CCDC178: variants seen among roughly 807,000 people sequenced by gnomAD.
The protein encoded by CCDC178 is coiled-coil domain-containing protein 178.
In CCDC178, 126 loss-of-function variants were observed where a neutral mutation model predicts 117.4. The observed-to-expected ratio is 1.07, with a 90% CI of 0.93 to 1.24. The LOEUF (loss-of-function observed/expected upper bound fraction) is 1.24. Ranked by LOEUF, CCDC178 falls within the 50% of genes most tolerant of loss-of-function variation. The pLI is 0.00. For synonymous variants in CCDC178, 283 were observed against 313.4 expected, an observed-to-expected ratio of 0.90 and a Z score of 1.02; for missense variants, 1,030 against 986.9, an observed-to-expected ratio of 1.04 and a Z score of -0.59.
Position 33,211,919 on chromosome 18 carries a change from G to T in CCDC178, c.2215C>A (p.Gln739Lys). 1 of 1,604,248 alleles carries T rather than the reference G, an allele frequency of 6.2e-7. No individual in the cohort carries two copies. The highest frequency in any genetic ancestry group is 1.7e-5 in the Admixed American group (1 of 58,094). The change falls in exon 20 of 23, where the codon CAA (glutamine) becomes AAA (lysine). Residue 739 changes from glutamine (Q) to lysine (K), a missense_variant. Gln to Lys is a moderately conservative substitution (Grantham distance 53). Transcript: ENST00000383096. ...ACTTGGGTATCTTGAAGAGTTTTTT[G>T]TCTTACAGCAAGGAGCACTCTAAAT... ...QRFRVLLAVR[Q>K]KTLQDTQKII...
intron 12 of CCDC178, among the ~76,000 whole-genome samples, chr18:33,268,464 CA>C (rs779165972): frequency 1.6e-4 from 24 of 151,748 alleles, no homozygotes; most frequent in Admixed American, 3.3e-4. Flanking sequence ...CATATAATAA[CA>C]AAAGTAATGT....
intron 5 of CCDC178, among the ~76,000 whole-genome samples, chr18:33,376,256 C>G (rs1027652316): frequency 6.6e-6 from 1 of 152,016 alleles, no homozygotes; most frequent in African/African-American, 2.4e-5. Flanking sequence ...GGTCACCCAA[C>G]ACTCCTGGTG....
intron 20 of CCDC178, among the ~76,000 whole-genome samples, chr18:33,178,691 G>A (rs1407809545): frequency 6.6e-6 from 1 of 151,882 alleles, no homozygotes; most frequent in Non-Finnish European, 1.5e-5. Flanking sequence ...GTTTTCAATT[G>A]CACTGTTATC....
chr18:33,024,889 G>A (rs2056195945), intron 21 of CCDC178, among the ~76,000 whole-genome samples: 1 of 151,102 alleles, frequency 6.6e-6, no homozygotes, highest in Non-Finnish European at 1.5e-5. Context: ...CTGACCTCAT[G>A]ATCTGCCTGC....
chr18:33,114,622 C>T (rs1287783835), intron 20 of CCDC178, among the ~76,000 whole-genome samples: 1 of 152,022 alleles, frequency 6.6e-6, no homozygotes, highest in Non-Finnish European at 1.5e-5. Context: ...ATTCAATTAT[C>T]TTGTGTTAAA....
At chr18:33,397,305 C>A in intron 3 of CCDC178, 97 bp from the exon 4 acceptor site, 1 of 738,622 alleles carries the variant, frequency 1.4e-6, no homozygotes, top group Non-Finnish European at 2.2e-6. Context: ...AGAAAATCAG[C>A]ATCAGAATAA....
rs71159815 is a variant in CCDC178 at position 33,306,412 on chromosome 18, TTG to T, written c.1023-13102_1023-13101del. 6.1e-3 allele frequency among the ~76,000 whole-genome samples: 767 copies of T among 126,202 alleles called. 11 individuals are homozygous for T. The highest frequency in any genetic ancestry group is 0.015 in the African/African-American group (504 of 33,230). 82.8% of individuals were successfully genotyped at this position (126,202 alleles called of 152,430 possible). ...GTCCAAGGTAACAGCTATTGGATCT[TTG>T]TGTGTGTGTGTGTGTGTGTGTGTGT... On this transcript the variant is annotated intron_variant, in intron 11 of 22. Coordinates refer to ENST00000383096, the MANE Select transcript of CCDC178 (RefSeq NM_001105528.4).
chr18:33,388,712 G>A (rs1435870627), intron 5 of CCDC178, among the ~76,000 whole-genome samples: 1 of 150,240 alleles, frequency 6.7e-6, no homozygotes, highest in Non-Finnish European at 1.5e-5. Context: ...GTAGAGATGG[G>A]GTTTCACCGT....
chr18:33,366,961 T>C (rs1002357295), intron 6 of CCDC178, among the ~76,000 whole-genome samples: 5 of 152,040 alleles, frequency 3.3e-5, no homozygotes. Context: ...CTGGGTAAAA[T>C]GTTAAGTGGC....
chr18:32,949,602 C>T (rs1453024870), intron 22 of CCDC178, among the ~76,000 whole-genome samples: 1 of 152,076 alleles, frequency 6.6e-6, no homozygotes, highest in Admixed American at 6.6e-5. Context: ...TTTATATCTT[C>T]AATGTCTCTA....
intron 21 of CCDC178, among the ~76,000 whole-genome samples, chr18:33,053,833 C>G (rs930788781): frequency 6.6e-6 from 1 of 152,072 alleles, no homozygotes; most frequent in Non-Finnish European, 1.5e-5. Flanking sequence ...CTGGGTAACA[C>G]TTTATGACAA....
At chr18:33,396,199 T>A (rs2144844935) in intron 4 of CCDC178, among the ~76,000 whole-genome samples, 1 of 151,848 alleles carries the variant, frequency 6.6e-6, no homozygotes, top group Middle Eastern at 3.4e-3. Flanking sequence ...CATGAAAAAA[T>A]TTTCAACATC....
chr18:33,320,243 G>A (rs2062486854), intron 11 of CCDC178, among the ~76,000 whole-genome samples: 3 of 152,114 alleles, frequency 2.0e-5, no homozygotes, highest in Non-Finnish European at 4.4e-5. Context: ...TTCTGGCCAG[G>A]GCAATCAGGC....
chr18:33,315,846 A>G (rs1438790490), intron 11 of CCDC178, among the ~76,000 whole-genome samples: 1 of 152,242 alleles, frequency 6.6e-6, no homozygotes, highest in African/African-American at 2.4e-5. Flanking sequence ...TATCTGGCAA[A>G]CAAAGGCATT....
Position 33,217,544 on chromosome 18 carries a change from C to A in CCDC178, c.1933-1849G>T, listed in dbSNP as rs1466261222. 2.0e-5 allele frequency among the ~76,000 whole-genome samples: 3 copies of A among 151,104 alleles called. No individual in the cohort carries two copies. In the Admixed American group the frequency reaches 2.0e-4, roughly 10 times the overall value. On this transcript the variant is annotated intron_variant, in intron 18 of 22. Transcript: ENST00000383096. ...AATATTTTTAGATTTTTTTTTAAATCAAAATCATTTATTGGTAATGTCAAA... is the reference window on the plus strand; with the variant it reads ...AATATTTTTAGATTTTTTTTTAAATAAAAATCATTTATTGGTAATGTCAAA...
At chr18:33,227,556 GTATA>G (rs145380258) in intron 15 of CCDC178, among the ~76,000 whole-genome samples, 2,835 of 110,652 alleles carry the variant, frequency 0.026, 46 homozygotes, top group Non-Finnish European at 0.034. Flanking sequence ...GTGTGTGTGT[GTATA>G]TATATATATA....
At chr18:33,148,374 G>A (rs1046393126) in intron 20 of CCDC178, among the ~76,000 whole-genome samples, 1 of 152,100 alleles carries the variant, frequency 6.6e-6, no homozygotes, top group East Asian at 1.9e-4. Context: ...GATGGTGGCA[G>A]TACAGTCCAG....
chr18:33,249,099 C>A (rs1318327768), intron 14 of CCDC178, among the ~76,000 whole-genome samples: 1 of 152,098 alleles, frequency 6.6e-6, no homozygotes, highest in Non-Finnish European at 1.5e-5. Context: ...CCTTCACCCA[C>A]TTTTTGATGG....
intron 3 of CCDC178, among the ~76,000 whole-genome samples, chr18:33,401,502 A>T (rs2063709599): frequency 6.6e-6 from 1 of 152,192 alleles, no homozygotes; most frequent in Admixed American, 6.5e-5. Flanking sequence ...GTATTGTTAT[A>T]CAATATTCCA....
Sources: allele counts gnomAD v4.1 joint callset (sites outside exome capture counted in the v4.1 genomes callset), GRCh38; gene constraint gnomAD v4.1.1; transcripts MANE v1.5; gene names NCBI Gene and HGNC (gene_info 2026-07-23, HGNC 2026-07-21).